Variants in ENOX2 observed in about 807,000 individuals in gnomAD.
The protein encoded by ENOX2 is APK1 antigen.
A neutral mutation model predicts 45.0 loss-of-function variants in ENOX2; 36 were observed. The observed-to-expected ratio is 0.80, with a 90% confidence interval of 0.61 to 1.06. The LOEUF is 1.06. ENOX2 is among the 50% of genes least tolerant of loss of function. The pLI is 0.00. For missense variants in ENOX2, 423 were observed against 462.5 expected (o/e 0.91, Z 0.78); for synonymous variants, 174 against 152.3 (o/e 1.14, Z -1.05).
At chrX:130,708,057 T>C (rs1340747873) in intron 3 of ENOX2, among the ~76,000 whole-genome samples, 1 of 111,991 alleles carries the variant, frequency 8.9e-6, no homozygotes, top group Non-Finnish European at 1.9e-5. Flanking sequence ...TCTAATGCAA[T>C]AGACAGATAT....
At chrX:130,711,709 T>G (rs901660676) in intron 3 of ENOX2, among the ~76,000 whole-genome samples, 1 of 111,749 alleles carries the variant, frequency 8.9e-6, no homozygotes, top group Non-Finnish European at 1.9e-5. Context: ...AATCTCAGCA[T>G]AGCGGGTGCT....
intron 3 of ENOX2, among the ~76,000 whole-genome samples, chrX:130,779,841 T>C (rs1369493931): frequency 1.8e-5 from 2 of 111,422 alleles, no homozygotes; most frequent in African/African-American, 6.5e-5. Flanking sequence ...TATATATATA[T>C]ACACAAACTC....
intron 6 of ENOX2, among the ~76,000 whole-genome samples, chrX:130,674,026 T>A (rs1012692939): frequency 8.9e-6 from 1 of 112,119 alleles, no homozygotes; most frequent in Non-Finnish European, 1.9e-5. Flanking sequence ...CAGGCTATTA[T>A]CCTAAGTGAA....
At chrX:130,676,994 C>A (rs1035769348) in intron 6 of ENOX2, among the ~76,000 whole-genome samples, 4 of 112,123 alleles carry the variant, frequency 3.6e-5, no homozygotes, top group African/African-American at 1.3e-4. Flanking sequence ...TTTGCCTCCT[C>A]CTCTCATGTC....
intron 4 of ENOX2, among the ~76,000 whole-genome samples, chrX:130,695,710 T>C (rs774056193): frequency 9.8e-5 from 11 of 112,356 alleles, no homozygotes; most frequent in Non-Finnish European, 2.1e-4. Flanking sequence ...TGAGACATTA[T>C]TGTTATTTCT....
intron 2 of ENOX2, among the ~76,000 whole-genome samples, chrX:130,895,609 G>A (rs985158307): frequency 2.7e-5 from 3 of 112,376 alleles, no homozygotes; most frequent in African/African-American, 9.7e-5. Context: ...TTGTTAAAGT[G>A]TGGTCACTGA....
At position 130,788,136 on chromosome X, in the gene ENOX2, T is replaced by G. The variant is rs759493786; in HGVS notation, c.-182-4446A>C. On this transcript the variant is annotated intron_variant, in intron 2 of 14. Coordinates refer to ENST00000394363, the MANE Select transcript of ENOX2 (RefSeq NM_006375.4). The stretch of plus-strand genomic sequence containing the variant: ...ATGTGACCCAGGTCAAATGCTATTT[T>G]AAGTAAACTAGTCCCATTAAAATGA... Among the ~76,000 whole-genome samples the G allele has an allele frequency of 6.2e-5, 7 of 112,370 alleles. No individual in the cohort carries two copies. The South Asian group carries it at 2.6e-3, about 42-fold the overall frequency.
At chrX:130,766,064 T>C (rs2039608956) in intron 3 of ENOX2, among the ~76,000 whole-genome samples, 1 of 111,737 alleles carries the variant, frequency 8.9e-6, no homozygotes, top group South Asian at 3.7e-4. Flanking sequence ...GCAATAGATG[T>C]CTTAAGGCAT....
At chrX:130,662,689 AC>A (rs1404415659) in intron 9 of ENOX2, among the ~76,000 whole-genome samples, 2 of 111,835 alleles carry the variant, frequency 1.8e-5, no homozygotes, top group Non-Finnish European at 3.8e-5. Flanking sequence ...GTAAAAAAAA[AC>A]AAGGACAAAA....
chrX:130,678,027 C>T (rs956002264), intron 6 of ENOX2, among the ~76,000 whole-genome samples: 1 of 108,161 alleles, frequency 9.2e-6, no homozygotes, highest in African/African-American at 3.4e-5. Flanking sequence ...GCGGAGGTTG[C>T]GGTGAGCCAA....
intron 14 of ENOX2, 145 bp downstream of exon 14, chrX:130,627,813 T>G (rs1413574590): frequency 3.8e-5 from 19 of 495,631 alleles, no homozygotes; most frequent in South Asian, 2.9e-4. Flanking sequence ...GGGGAAGCTC[T>G]GCACTGAATC....
chrX:130,870,863 T>C (rs1227661852), intron 2 of ENOX2, among the ~76,000 whole-genome samples: 1 of 102,959 alleles, frequency 9.7e-6, no homozygotes, highest in African/African-American at 3.6e-5. Flanking sequence ...CTTTGAATAT[T>C]TGGGAAACAA....
At chrX:130,815,763 G>A (rs1430297867) in intron 2 of ENOX2, among the ~76,000 whole-genome samples, 1 of 111,608 alleles carries the variant, frequency 9.0e-6, no homozygotes, top group African/African-American at 3.3e-5. Flanking sequence ...AATATGCAAA[G>A]GAAAAACAGG....
chrX:130,626,176 T>C (rs1474432781), intron 14 of ENOX2, among the ~76,000 whole-genome samples: 1 of 111,283 alleles, frequency 9.0e-6, no homozygotes, highest in Non-Finnish European at 1.9e-5. Context: ...CACCTCAGGC[T>C]CTCTTTGGGA....
chrX:130,863,947 T>C (rs763960103), intron 2 of ENOX2, among the ~76,000 whole-genome samples: 4 of 110,650 alleles, frequency 3.6e-5, no homozygotes, highest in Non-Finnish European at 7.6e-5. Context: ...TTAAGTGGAG[T>C]TGTTAATGTC....
At chrX:130,734,606 CAG>C (rs2038817912) in intron 3 of ENOX2, among the ~76,000 whole-genome samples, 1 of 111,870 alleles carries the variant, frequency 8.9e-6, no homozygotes, top group African/African-American at 3.3e-5. Context: ...TGCAGTACTA[CAG>C]GCAACTTGGA....
chrX:130,667,527 C>T lies in ENOX2; in HGVS notation c.907+3G>A, dbSNP rs1202838123. ...TTCCAGCAGAACTCTAAGTTCCACT[C>T]ACATTGAATGAGAATTCCAGAAAGG... On this transcript the variant is annotated splice_donor_region_variant and intron_variant, in intron 8 of 14. Coordinates refer to ENST00000394363, the MANE Select transcript of ENOX2 (RefSeq NM_006375.4). The T allele has an allele frequency of 5.0e-6, 6 of 1,201,840 alleles. No homozygotes were observed. Among genetic ancestry groups the T allele is most frequent in the Non-Finnish European group, 6.8e-6 (6 of 886,406 alleles).
At chrX:130,892,640 C>T (rs939634112) in intron 2 of ENOX2, among the ~76,000 whole-genome samples, 3 of 112,606 alleles carry the variant, frequency 2.7e-5, no homozygotes, top group Non-Finnish European at 5.6e-5. Flanking sequence ...GTGTGCCTTG[C>T]ACGACACTAG....
Position 130,676,723 on chromosome X carries a change from C to T in ENOX2, c.460+2819G>A, listed in dbSNP as rs1359286550. Among the ~76,000 whole-genome samples the T allele has an allele frequency of 2.7e-5, 3 of 111,495 alleles. No individual in the cohort carries two copies. The East Asian group carries it at 8.5e-4, about 31-fold the overall frequency. On this transcript the variant is annotated intron_variant, in intron 6 of 14. Coordinates refer to ENST00000394363, the MANE Select transcript of ENOX2 (RefSeq NM_006375.4). ...ATGTAAAAAGAGTATTCTCCATCTA[C>T]ACCTCCTCCTTTCCTTACCCATGTT...
Sources: allele counts gnomAD v4.1 joint callset (sites outside exome capture counted in the v4.1 genomes callset), GRCh38; gene constraint gnomAD v4.1.1; transcripts MANE v1.5; gene names NCBI Gene and HGNC (gene_info 2026-07-23, HGNC 2026-07-21).